CWF19L2: variants seen among roughly 807,000 people sequenced by gnomAD.
The protein encoded by CWF19L2 is CWF19-like protein 2.
CWF19L2 carries 98 observed loss-of-function variants against 111.7 expected under a neutral mutation model. The observed-to-expected ratio is 0.88, with a 90% confidence interval of 0.75 to 1.04. The LOEUF (loss-of-function observed/expected upper bound fraction) is 1.04, where lower values mean the gene tolerates loss of function less well. CWF19L2 is among the 50% of genes least tolerant of loss of function. The pLI is 0.00. For synonymous variants in CWF19L2, 351 were observed against 342.9 expected (o/e 1.02, Z -0.26); for missense variants, 1,101 against 1,051.4 (o/e 1.05, Z -0.65).
chr11:107,341,472 T>C (rs748535759), intron 14 of CWF19L2, among the ~76,000 whole-genome samples: 1 of 152,176 alleles, frequency 6.6e-6, no homozygotes, highest in Non-Finnish European at 1.5e-5. Flanking sequence ...TTTTTATATA[T>C]TGCCAAACTC....
intron 10 of CWF19L2, among the ~76,000 whole-genome samples, chr11:107,400,796 C>T (rs952838191): frequency 6.6e-6 from 1 of 152,130 alleles, no homozygotes; most frequent in Non-Finnish European, 1.5e-5. Flanking sequence ...CCTTGATGAA[C>T]ACAGATGTTA....
chr11:107,446,112 T>C (rs929162372), intron 3 of CWF19L2, among the ~76,000 whole-genome samples: 14 of 152,174 alleles, frequency 9.2e-5, no homozygotes, highest in African/African-American at 3.1e-4. Flanking sequence ...AAAAAATGAA[T>C]TTCTATCTTG....
At chr11:107,362,582 G>C (rs1213556983) in intron 12 of CWF19L2, among the ~76,000 whole-genome samples, 1 of 151,928 alleles carries the variant, frequency 6.6e-6, no homozygotes, top group Non-Finnish European at 1.5e-5. Context: ...TCACATGGCT[G>C]GGTACTCCAA....
At chr11:107,395,655 C>T (rs900389600) in intron 10 of CWF19L2, among the ~76,000 whole-genome samples, 5 of 152,118 alleles carry the variant, frequency 3.3e-5, no homozygotes, top group Admixed American at 2.6e-4. Context: ...CTAGATTTTT[C>T]TAGTTCCTTG....
chr11:107,370,703 A>C (rs1212507796), intron 12 of CWF19L2, among the ~76,000 whole-genome samples: 2 of 137,560 alleles, frequency 1.5e-5, no homozygotes, highest in African/African-American at 5.8e-5. Flanking sequence ...AGCAACCAAA[A>C]TTTAGGACAG....
intron 13 of CWF19L2, among the ~76,000 whole-genome samples, chr11:107,349,783 T>G (rs1860131991): frequency 6.6e-6 from 1 of 152,166 alleles, no homozygotes; most frequent in South Asian, 2.1e-4. Flanking sequence ...GTTTAAAACT[T>G]TGCTGACAAA....
chr11:107,455,724 C>G lies in CWF19L2; in HGVS notation c.158G>C (p.Arg53Pro). The G allele has an allele frequency of 1.3e-6, 2 of 1,551,248 alleles. No individual in the cohort carries two copies. Among genetic ancestry groups the G allele is most frequent in the South Asian group, 1.2e-5 (1 of 84,026 alleles). ...EERRKELKRLRGEDTWMLPDV... is the reference protein window; with the variant it reads ...EERRKELKRLPGEDTWMLPDV... ...AGGTAGCATCCATGTATCCTCACCC[C>G]GAAGTCGCTTAAGTTCTTTACGCCT... The change falls in exon 2 of 18, where the codon CGG (arginine) becomes CCG (proline). Residue 53 changes from arginine to proline, a missense_variant. Arg to Pro is a moderately radical substitution (Grantham distance 103). Coordinates refer to ENST00000282251, the MANE Select transcript of CWF19L2 (RefSeq NM_152434.3).
chr11:107,388,817 A>G lies in CWF19L2; in HGVS notation c.1872+1257T>C, dbSNP rs79132531. Among the ~76,000 whole-genome samples, 1,256 of 152,346 alleles carry G rather than the reference A, an allele frequency of 8.2e-3. 6 individuals are homozygous for G. The highest frequency in any genetic ancestry group is 0.024 in the Middle Eastern group (7 of 294). ...GTACCACTTCTGAAAAGGAAACTCTAATAAAAACATGTCTTCCTTCTTTCT... is the reference window on the plus strand; with the variant it reads ...GTACCACTTCTGAAAAGGAAACTCTGATAAAAACATGTCTTCCTTCTTTCT... On this transcript the variant is annotated intron_variant, in intron 12 of 17. Transcript: ENST00000282251.
At chr11:107,392,758 A>G (rs373886392) in intron 11 of CWF19L2, 21 bp downstream of exon 11, 86 of 1,367,512 alleles carry the variant, frequency 6.3e-5, no homozygotes, top group South Asian at 1.2e-4. Flanking sequence ...ATTAATAAAC[A>G]AAGACATATG....
At chr11:107,349,624 T>TA (rs11421851) in intron 13 of CWF19L2, among the ~76,000 whole-genome samples, 123,079 of 149,456 alleles carry the variant, frequency 0.82, 51,096 homozygotes, top group African/African-American at 0.94. Context: ...CAAACTGTCT[T>TA]AAAAAAAAAA....
chr11:107,406,055 C>T (rs541281833), intron 10 of CWF19L2, among the ~76,000 whole-genome samples: 1 of 152,158 alleles, frequency 6.6e-6, no homozygotes, highest in South Asian at 2.1e-4. Flanking sequence ...AAAAAGCTCA[C>T]GACATTGTTA....
intron 12 of CWF19L2, among the ~76,000 whole-genome samples, chr11:107,364,357 C>T (rs1385868550): frequency 6.8e-6 from 1 of 148,146 alleles, no homozygotes; most frequent in Admixed American, 6.7e-5. Context: ...CACCCCAAAT[C>T]AACAGAATAT....
At chr11:107,408,520 T>A (rs1861113107) in intron 10 of CWF19L2, among the ~76,000 whole-genome samples, 1 of 151,996 alleles carries the variant, frequency 6.6e-6, no homozygotes, top group Non-Finnish European at 1.5e-5. Flanking sequence ...TGCATGCTAA[T>A]ACTAGTTTGT....
intron 13 of CWF19L2, among the ~76,000 whole-genome samples, chr11:107,352,182 T>C (rs929019003): frequency 1.3e-5 from 2 of 152,126 alleles, no homozygotes; most frequent in Non-Finnish European, 2.9e-5. Context: ...CTGAAATGTA[T>C]CCTATTCCAC....
intron 6 of CWF19L2, among the ~76,000 whole-genome samples, chr11:107,438,725 T>C (rs1236647724): frequency 1.3e-5 from 2 of 152,174 alleles, no homozygotes; most frequent in Non-Finnish European, 2.9e-5. Context: ...ATACGTAAAC[T>C]TGGGTCATAC....
intron 12 of CWF19L2, among the ~76,000 whole-genome samples, chr11:107,355,540 A>ACAT (rs1489123994): frequency 2.0e-5 from 3 of 152,016 alleles, no homozygotes; most frequent in Non-Finnish European, 4.4e-5. Flanking sequence ...TTGAAGATGG[A>ACAT]GCAGTTCTAT....
intron 16 of CWF19L2, among the ~76,000 whole-genome samples, chr11:107,333,996 G>A (rs1358086865): frequency 6.6e-6 from 1 of 152,210 alleles, no homozygotes; most frequent in Non-Finnish European, 1.5e-5. Flanking sequence ...CTAAGCAAAT[G>A]AGTGTGGCTG....
intron 9 of CWF19L2, 78 bp from the exon 10 acceptor site, chr11:107,416,376 C>T: frequency 1.7e-6 from 1 of 579,768 alleles, no homozygotes; most frequent in Non-Finnish European, 2.7e-6. Flanking sequence ...ATTTACACAA[C>T]AGAAGGAAAA....
intron 14 of CWF19L2, among the ~76,000 whole-genome samples, chr11:107,347,570 T>C (rs190029907): frequency 4.9e-4 from 75 of 152,326 alleles, no homozygotes; most frequent in East Asian, 4.8e-3. Flanking sequence ...ACACCATTAT[T>C]TGCATAAAAC....
Sources: allele counts gnomAD v4.1 joint callset (sites outside exome capture counted in the v4.1 genomes callset), GRCh38; gene constraint gnomAD v4.1.1; transcripts MANE v1.5; gene names NCBI Gene and HGNC (gene_info 2026-07-23, HGNC 2026-07-21).